Variants in REDIC1 observed in about 807,000 individuals in gnomAD.
The protein encoded by REDIC1 is HEI10 Interacting Protein 1.
the REDIC1 span, among the ~76,000 whole-genome samples, chr12:39,649,593 T>TC: frequency 2.6e-5 from 4 of 151,448 alleles, no homozygotes; most frequent in African/African-American, 9.7e-5. Flanking sequence ...TTTTTTTTTT[T>TC]CTGACAATTC....
chr12:39,850,164 G>T, the REDIC1 span, among the ~76,000 whole-genome samples: 4 of 152,094 alleles, frequency 2.6e-5, no homozygotes, highest in Non-Finnish European at 5.9e-5. Flanking sequence ...TAATAAAGGA[G>T]TCAGTGGATT....
At chr12:39,669,866 T>C in the REDIC1 span, among the ~76,000 whole-genome samples, 1 of 152,280 alleles carries the variant, frequency 6.6e-6, no homozygotes, top group East Asian at 1.9e-4. Context: ...TGGGGTATAA[T>C]TTCCTGTTGT....
the REDIC1 span, chr12:39,646,329 A>G: frequency 1.8e-6 from 2 of 1,124,772 alleles, no homozygotes; most frequent in Non-Finnish European, 2.4e-6. Flanking sequence ...TTTATTATAG[A>G]AACTGTGAGA....
chr12:39,770,946 T>C, the REDIC1 span, among the ~76,000 whole-genome samples: 3 of 152,150 alleles, frequency 2.0e-5, no homozygotes, highest in South Asian at 2.1e-4. Flanking sequence ...CTAGGTGTAA[T>C]ATCTCAAAGC....
the REDIC1 span, chr12:39,641,022 C>T: frequency 6.3e-7 from 1 of 1,586,948 alleles, no homozygotes. Flanking sequence ...TTATTTTTGT[C>T]AGCCTTATGA....
At chr12:39,639,193 A>AT in the REDIC1 span, among the ~76,000 whole-genome samples, 1 of 151,722 alleles carries the variant, frequency 6.6e-6, no homozygotes, top group African/African-American at 2.4e-5. Context: ...GTAAAATGAA[A>AT]TTTTTTTTCA....
chr12:39,689,983 C>A, the REDIC1 span, among the ~76,000 whole-genome samples: 1 of 152,214 alleles, frequency 6.6e-6, no homozygotes, highest in East Asian at 1.9e-4. Context: ...ATGAGGAGTT[C>A]CTTGGGTAGA....
the REDIC1 span, among the ~76,000 whole-genome samples, chr12:39,731,637 C>T: frequency 6.6e-6 from 1 of 152,266 alleles, no homozygotes; most frequent in African/African-American, 2.4e-5. Context: ...GTCAGGGACC[C>T]ACTTGAGGAG....
chr12:39,739,181 A>T, the REDIC1 span, among the ~76,000 whole-genome samples: 1 of 152,178 alleles, frequency 6.6e-6, no homozygotes, highest in African/African-American at 2.4e-5. Flanking sequence ...TGAGTTGCAG[A>T]GTTGCAATTC....
At chr12:39,813,883 G>A in the REDIC1 span, among the ~76,000 whole-genome samples, 10 of 152,282 alleles carry the variant, frequency 6.6e-5, no homozygotes, top group East Asian at 9.6e-4. Flanking sequence ...TCCATTTTAC[G>A]CTGAAGAATG....
At chr12:39,717,373 A>G in the REDIC1 span, among the ~76,000 whole-genome samples, 1 of 152,078 alleles carries the variant, frequency 6.6e-6, no homozygotes, top group African/African-American at 2.4e-5. Flanking sequence ...TTTATACAAT[A>G]AAGTAAGCTA....
At chr12:39,714,407 G>A in the REDIC1 span, among the ~76,000 whole-genome samples, 7 of 119,368 alleles carry the variant, frequency 5.9e-5, 1 homozygote, top group African/African-American at 1.5e-4. Context: ...GTATATATAT[G>A]TGTGTTTAGA....
At chr12:39,682,676 C>CGG in the REDIC1 span, 1 of 1,610,604 alleles carries the variant, frequency 6.2e-7, no homozygotes, top group Non-Finnish European at 8.5e-7. Context: ...TGTAGAAGCA[C>CGG]GGATGAAATA....
chr12:39,722,735 A>C, the REDIC1 span, among the ~76,000 whole-genome samples: 7 of 152,252 alleles, frequency 4.6e-5, no homozygotes, highest in South Asian at 2.1e-4. Flanking sequence ...CAGGGCTTTA[A>C]AAAAATGCAG....
At chr12:39,790,580 T>C in the REDIC1 span, among the ~76,000 whole-genome samples, 9 of 146,404 alleles carry the variant, frequency 6.1e-5, no homozygotes, top group African/African-American at 2.3e-4. Context: ...TAGTATTCCA[T>C]GGTGTATATG....
chr12:39,666,564 G>C, the REDIC1 span, among the ~76,000 whole-genome samples: 1,519 of 152,276 alleles, frequency 1.0e-2, 26 homozygotes, highest in African/African-American at 0.035. Flanking sequence ...TTGGTATCAG[G>C]ATGATGCTAG....
chr12:39,701,166 A>C, the REDIC1 span, among the ~76,000 whole-genome samples: 2 of 152,186 alleles, frequency 1.3e-5, no homozygotes, highest in Non-Finnish European at 2.9e-5. Context: ...GTCAAGACCC[A>C]TCAGTGTGCT....
At chr12:39,637,780 A>G in the REDIC1 span, among the ~76,000 whole-genome samples, 3,087 of 152,180 alleles carry the variant, frequency 0.02, 42 homozygotes, top group South Asian at 0.03. Context: ...TTTTTGTCAT[A>G]TATAAAGTTC....
chr12:39,760,809 TC>T, the REDIC1 span, among the ~76,000 whole-genome samples: 2 of 152,020 alleles, frequency 1.3e-5, no homozygotes, highest in African/African-American at 4.8e-5. Flanking sequence ...AGTTTGGTTT[TC>T]TAAGGGTCAT....
Sources: allele counts gnomAD v4.1 joint callset (sites outside exome capture counted in the v4.1 genomes callset), GRCh38; gene constraint gnomAD v4.1.1; transcripts MANE v1.5; gene names NCBI Gene and HGNC (gene_info 2026-07-23, HGNC 2026-07-21).